CNTN6: variants seen among roughly 807,000 people sequenced by gnomAD.
CNTN6 encodes contactin-6.
Under a neutral mutation model 122.8 loss-of-function variants are expected in CNTN6, and 137 were observed. The observed-to-expected ratio is 1.12, with a 90% confidence interval of 0.97 to 1.29. CNTN6 has a LOEUF of 1.29. Among genes scored for constraint, CNTN6 ranks in the 50% most tolerant of loss-of-function variants. The probability of loss-of-function intolerance (pLI) is 0.00; values close to 1 mark genes in which losing one functional copy is unlikely to be tolerated. For synonymous variants in CNTN6, 570 were observed against 426.0 expected (o/e 1.34, Z -4.16); for missense variants, 1,634 against 1,223.4 (o/e 1.34, Z -5.01).
At chr3:1,295,055 C>T (rs1695974770) in intron 5 of CNTN6, among the ~76,000 whole-genome samples, 1 of 152,032 alleles carries the variant, frequency 6.6e-6, no homozygotes, top group Admixed American at 6.6e-5. Context: ...GAGTTGGAGA[C>T]CAGCTGGGGC....
chr3:1,344,829 T>G (rs1169484624), intron 11 of CNTN6, among the ~76,000 whole-genome samples: 1 of 152,186 alleles, frequency 6.6e-6, no homozygotes, highest in African/African-American at 2.4e-5. Flanking sequence ...TGTTCAGAAC[T>G]GATTAACAAT....
chr3:1,390,856 G>C (rs1384161887), intron 20 of CNTN6, among the ~76,000 whole-genome samples: 10 of 150,720 alleles, frequency 6.6e-5, no homozygotes, highest in Non-Finnish European at 1.0e-4. Flanking sequence ...ACTAAACCAG[G>C]AAGAAGTTGA....
In CNTN6 at chr3:1,382,550, AG is replaced by A. The variant is rs1157643687; in HGVS notation, c.2167-390del. Among the ~76,000 whole-genome samples the A allele has an allele frequency of 1.6e-4, 24 of 152,360 alleles. 1 individual carries two copies. In the East Asian group the frequency reaches 4.6e-3, roughly 29 times the overall value. On this transcript the variant is annotated intron_variant, in intron 17 of 22. Coordinates refer to ENST00000446702, the MANE Select transcript of CNTN6 (RefSeq NM_001289080.2). ...AAAAACTTGTTTAAAATGTTGTGAA[AG>A]GAAAACATATCTAGTCTTGAAATAA...
chr3:1,241,782 C>T (rs1029629506), intron 4 of CNTN6, among the ~76,000 whole-genome samples: 6 of 152,188 alleles, frequency 3.9e-5, no homozygotes, highest in African/African-American at 1.2e-4. Context: ...GTCAAGGCCT[C>T]GGCGGTTTTG....
At chr3:1,319,909 A>C (rs1700620078) in intron 7 of CNTN6, among the ~76,000 whole-genome samples, 1 of 150,442 alleles carries the variant, frequency 6.6e-6, no homozygotes, top group South Asian at 2.1e-4. Flanking sequence ...CATAGATAAA[A>C]ACTTCACATG....
At position 1,147,962 on chromosome 3, in the gene CNTN6, G is replaced by T. The variant is rs748014033; in HGVS notation, c.-47G>T. On this transcript the variant is annotated 5_prime_UTR_variant, in exon 2 of 23. Transcript: ENST00000446702. The stretch of plus-strand genomic sequence containing the variant: ...TACTGACTGGAAGATAGACTGTTTT[G>T]TTCCACCTGATTGTATGGGAGAAAT... 63 of 1,428,022 alleles carry T rather than the reference G, an allele frequency of 4.4e-5. No individual in the cohort carries two copies. The highest frequency in any genetic ancestry group is 5.6e-5 in the Non-Finnish European group (57 of 1,013,400). 88.5% of individuals were successfully genotyped at this position (1,428,022 alleles called of 1,614,324 possible). A position where few individuals can be genotyped will look rare whatever the true frequency, so the allele number is the denominator to read the frequency against.
At chr3:1,309,224 A>G (rs577087016) in intron 7 of CNTN6, among the ~76,000 whole-genome samples, 1 of 152,296 alleles carries the variant, frequency 6.6e-6, no homozygotes, top group East Asian at 1.9e-4. Flanking sequence ...AAGGTTACCT[A>G]GATATTCTCC....
rs1048164218 is a variant in CNTN6, at chr3:1,289,666, G to A, written c.455-5935G>A. On this transcript the variant is annotated intron_variant, in intron 5 of 22. Coordinates refer to ENST00000446702, the MANE Select transcript of CNTN6 (RefSeq NM_001289080.2). ...TGAGTTTTATCTTTTGTTTTGTTTT[G>A]TTTTTTTGGGTTTTTTTTTTTTTTT... 3.6e-3 allele frequency among the ~76,000 whole-genome samples: 388 copies of A among 106,694 alleles called. 1 individual carries two copies. The highest frequency in any genetic ancestry group is 0.019 in the Middle Eastern group (4 of 214). The allele number at this position is 106,694 out of a possible 152,430, so 70.0% of individuals were successfully genotyped here.
intron 1 of CNTN6, among the ~76,000 whole-genome samples, chr3:1,134,440 G>A (rs955494991): frequency 1.3e-5 from 2 of 152,024 alleles, no homozygotes; most frequent in African/African-American, 4.8e-5. Context: ...CTCTGCAGAA[G>A]GTACTTTTTC....
At chr3:1,202,396 C>A in intron 2 of CNTN6, among the ~76,000 whole-genome samples, 1 of 149,656 alleles carries the variant, frequency 6.7e-6, no homozygotes, top group African/African-American at 2.5e-5. Flanking sequence ...AGAAATCAGC[C>A]GGGCGTGGTG....
intron 2 of CNTN6, among the ~76,000 whole-genome samples, chr3:1,152,269 G>C (rs1052580628): frequency 6.6e-6 from 1 of 151,908 alleles, no homozygotes; most frequent in African/African-American, 2.4e-5. Flanking sequence ...CTCTTGAGTA[G>C]CTCAGATTAC....
intron 2 of CNTN6, among the ~76,000 whole-genome samples, chr3:1,162,307 G>A (rs1027347000): frequency 1.3e-5 from 2 of 150,440 alleles, no homozygotes; most frequent in African/African-American, 4.9e-5. Context: ...GTTTTGTTTT[G>A]TTTTACCTGT....
chr3:1,321,565 G>T, intron 7 of CNTN6, 85 bp from the exon 8 acceptor site: 1 of 1,203,968 alleles, frequency 8.3e-7, no homozygotes, highest in African/African-American at 1.6e-5. Flanking sequence ...TTTTTCTTGA[G>T]AGTTATTTGT....
At chr3:1,384,772 CATATATATATATATATATATAT>C (rs66929153) in intron 19 of CNTN6, among the ~76,000 whole-genome samples, 1 of 120,922 alleles carries the variant, frequency 8.3e-6, no homozygotes, top group African/African-American at 3.3e-5. Context: ...TATATATACA[CATATATATATATATATATATAT>C]ATACACACAC....
At chr3:1,262,582 C>T (rs1265348732) in intron 4 of CNTN6, among the ~76,000 whole-genome samples, 2 of 152,066 alleles carry the variant, frequency 1.3e-5, no homozygotes, top group African/African-American at 4.8e-5. Context: ...AGACCTGGCG[C>T]AAACAATGAA....
At chr3:1,272,784 G>A (rs978358371) in intron 4 of CNTN6, among the ~76,000 whole-genome samples, 3 of 152,160 alleles carry the variant, frequency 2.0e-5, no homozygotes, top group South Asian at 2.1e-4. Context: ...TGATCCTCAG[G>A]CCTTGGCAGC....
intron 1 of CNTN6, among the ~76,000 whole-genome samples, chr3:1,108,211 A>G (rs2091316872): frequency 6.6e-6 from 1 of 152,050 alleles, no homozygotes; most frequent in African/African-American, 2.4e-5. Flanking sequence ...TGGTATTAGA[A>G]GTTGTGTATC....
At chr3:1,307,899 G>A (rs1698614433) in intron 7 of CNTN6, among the ~76,000 whole-genome samples, 1 of 152,058 alleles carries the variant, frequency 6.6e-6, no homozygotes, top group African/African-American at 2.4e-5. Context: ...AGATGATGCT[G>A]GCCTTGATTA....
chr3:1,104,844 C>T (rs1436822234), intron 1 of CNTN6, among the ~76,000 whole-genome samples: 1 of 152,094 alleles, frequency 6.6e-6, no homozygotes, highest in Admixed American at 6.5e-5. Flanking sequence ...ATCTTATAAA[C>T]ATTCTCAAGT....
Sources: allele counts gnomAD v4.1 joint callset (sites outside exome capture counted in the v4.1 genomes callset), GRCh38; gene constraint gnomAD v4.1.1; transcripts MANE v1.5; gene names NCBI Gene and HGNC (gene_info 2026-07-23, HGNC 2026-07-21).